TSPAN9: variants seen among roughly 807,000 people sequenced by gnomAD.
TSPAN9 encodes tetraspanin-9.
TSPAN9 carries 16 observed loss-of-function variants against 31.0 expected under a neutral mutation model. The ratio of observed to expected loss-of-function variants is 0.52; its 90% CI spans 0.35 to 0.78. The LOEUF (loss-of-function observed/expected upper bound fraction) is 0.78. Among genes scored for constraint, TSPAN9 ranks in the 30% least tolerant of loss-of-function variants. The pLI is 0.01. For missense variants in TSPAN9, 272 were observed against 312.5 expected (o/e 0.87, Z 0.98); for synonymous variants, 145 against 121.6 (o/e 1.19, Z -1.27).
intron 2 of TSPAN9, among the ~76,000 whole-genome samples, chr12:3,137,346 C>T (rs1180461756): frequency 3.3e-5 from 5 of 152,232 alleles, no homozygotes; most frequent in Admixed American, 1.3e-4. Context: ...CACTCTCTCA[C>T]TGGAACACAT....
chr12:3,123,962 G>A (rs2098326241), intron 2 of TSPAN9, among the ~76,000 whole-genome samples: 1 of 152,210 alleles, frequency 6.6e-6, no homozygotes, highest in African/African-American at 2.4e-5. Context: ...GCCGGGCTTG[G>A]TCCTTGCACT....
chr12:3,174,685 C>G (rs183434404), intron 2 of TSPAN9, among the ~76,000 whole-genome samples: 1 of 151,800 alleles, frequency 6.6e-6, no homozygotes, highest in Non-Finnish European at 1.5e-5. Flanking sequence ...CGGGTTCGCG[C>G]CATTCTCCTG....
chr12:3,165,732 G>C (rs1591656143), intron 2 of TSPAN9, among the ~76,000 whole-genome samples: 1 of 152,270 alleles, frequency 6.6e-6, no homozygotes, highest in East Asian at 1.9e-4. Context: ...TCTTTGTGAG[G>C]CGCCCGTGAG....
chr12:3,212,864 T>C (rs886437772), intron 3 of TSPAN9, among the ~76,000 whole-genome samples: 1 of 152,052 alleles, frequency 6.6e-6, no homozygotes, highest in African/African-American at 2.4e-5. Flanking sequence ...CTCCAGGGAC[T>C]ATGAGAAGGG....
At chr12:3,237,741 G>T (rs1053147733) in intron 3 of TSPAN9, among the ~76,000 whole-genome samples, 1 of 152,044 alleles carries the variant, frequency 6.6e-6, no homozygotes. Flanking sequence ...CACAGAGAGG[G>T]CAGGGTCAGC....
intron 5 of TSPAN9, 97 bp downstream of exon 5, chr12:3,279,163 G>A: frequency 9.0e-7 from 1 of 1,109,714 alleles, no homozygotes; most frequent in East Asian, 2.4e-5. Flanking sequence ...GAGGAAGAGT[G>A]CTGGCAAGCA....
chr12:3,261,009 C>T (rs1048090606), intron 3 of TSPAN9, among the ~76,000 whole-genome samples: 8 of 152,164 alleles, frequency 5.3e-5, no homozygotes, highest in African/African-American at 1.7e-4. Context: ...GTGTGATGTG[C>T]TCTGGGCAGA....
Position 3,198,788 on chromosome 12 carries a change from C to T in TSPAN9, c.-17-2389C>T, listed in dbSNP as rs865966500. Among the ~76,000 whole-genome samples the T allele has an allele frequency of 4.5e-4, 31 of 68,672 alleles. 2 individuals carry two copies. Among genetic ancestry groups the T allele is most frequent in the Middle Eastern group, 0.02 (2 of 102 alleles). 45.1% of individuals were successfully genotyped at this position (68,672 alleles called of 152,430 possible). A position where few individuals can be genotyped will look rare whatever the true frequency, so the allele number is the denominator to read the frequency against. ...CAGCACAGGCCACCACCAGCACAGG[C>T]CACCACCAGCACAGGTCACACCAGC... On this transcript the variant is annotated intron_variant, in intron 2 of 8. Coordinates refer to ENST00000011898, the MANE Select transcript of TSPAN9 (RefSeq NM_006675.5).
chr12:3,152,300 A>C (rs1005016891), intron 2 of TSPAN9, among the ~76,000 whole-genome samples: 1 of 152,226 alleles, frequency 6.6e-6, no homozygotes, highest in Non-Finnish European at 1.5e-5. Flanking sequence ...CCTGGCACCC[A>C]GCTCCTCCCT....
intron 2 of TSPAN9, among the ~76,000 whole-genome samples, chr12:3,115,034 C>T (rs2098321495): frequency 6.6e-6 from 1 of 151,942 alleles, no homozygotes; most frequent in East Asian, 1.9e-4. Flanking sequence ...TTTATCACCC[C>T]CAAAAGAAAC....
intron 3 of TSPAN9, among the ~76,000 whole-genome samples, chr12:3,234,670 G>A (rs1012459234): frequency 2.6e-5 from 4 of 152,188 alleles, no homozygotes. Flanking sequence ...GAGTGGAAGC[G>A]TGGAGTGGTC....
chr12:3,154,077 T>C (rs1169682150), intron 2 of TSPAN9, among the ~76,000 whole-genome samples: 1 of 152,110 alleles, frequency 6.6e-6, no homozygotes, highest in Non-Finnish European at 1.5e-5. Context: ...TCTGTCTAGC[T>C]GTCTGCTCCC....
intron 2 of TSPAN9, among the ~76,000 whole-genome samples, chr12:3,105,746 A>T (rs2098314038): frequency 7.2e-6 from 1 of 138,722 alleles, no homozygotes; most frequent in East Asian, 2.2e-4. Context: ...GCACACACAC[A>T]CTCACACACA....
chr12:3,234,940 T>C (rs557258981), intron 3 of TSPAN9, among the ~76,000 whole-genome samples: 74 of 148,716 alleles, frequency 5.0e-4, no homozygotes, highest in Middle Eastern at 3.4e-3. Context: ...GTGGGTGGAT[T>C]ACGAGGTCAG....
Position 3,286,389 on chromosome 12 carries a change from C to T in TSPAN9, c.*3273C>T, listed in dbSNP as rs1035179253. 2.0e-5 allele frequency: 3 copies of T among 152,818 alleles called. No individual in the cohort carries two copies. Among genetic ancestry groups the T allele is most frequent in the Admixed American group, 2.0e-4 (3 of 15,312 alleles). 9.5% of individuals were successfully genotyped at this position (152,818 alleles called of 1,614,324 possible). ...TCCTGCCCCCTCCTTGCCCACCTGC[C>T]TGCCCCCGGGCAGCACGGGAGGGAG... On this transcript the variant is annotated 3_prime_UTR_variant, in exon 9 of 9. Transcript: ENST00000011898. The surrounding 1 kb of genome is among the most constrained non-coding windows in gnomAD (Gnocchi z 4.1).
chr12:3,180,848 C>T (rs940851201), intron 2 of TSPAN9, among the ~76,000 whole-genome samples: 7 of 152,268 alleles, frequency 4.6e-5, no homozygotes, highest in African/African-American at 1.7e-4. Flanking sequence ...ATTTTTCATA[C>T]TAAAATGATA....
chr12:3,095,492 GC>G (rs1420542779), intron 2 of TSPAN9, among the ~76,000 whole-genome samples: 42 of 88,902 alleles, frequency 4.7e-4, no homozygotes, highest in Middle Eastern at 7.8e-3. Flanking sequence ...GGCTGGCCGG[GC>G]GGGGGACTGA....
intron 3 of TSPAN9, among the ~76,000 whole-genome samples, chr12:3,263,756 G>A (rs1030699178): frequency 1.3e-5 from 2 of 152,224 alleles, no homozygotes; most frequent in African/African-American, 2.4e-5. Context: ...AACGTTCTGG[G>A]GCCGATGACG....
intron 3 of TSPAN9, among the ~76,000 whole-genome samples, chr12:3,212,516 A>ATTC (rs1555152744): frequency 1.3e-4 from 20 of 151,680 alleles, no homozygotes; most frequent in Non-Finnish European, 2.7e-4. Context: ...GCCTTAAGCA[A>ATTC]TCCTGCCTTG....
Sources: allele counts gnomAD v4.1 joint callset (sites outside exome capture counted in the v4.1 genomes callset), GRCh38; gene constraint gnomAD v4.1.1; non-coding constraint Gnocchi (gnomAD v3.1); transcripts MANE v1.5; gene names NCBI Gene and HGNC (gene_info 2026-07-23, HGNC 2026-07-21).